Variants in TEX264 observed in about 807,000 individuals in gnomAD.
TEX264 encodes testis-expressed protein 264.
A neutral mutation model predicts 23.4 loss-of-function variants in TEX264; 13 were observed. The ratio of observed to expected loss-of-function variants is 0.56; its 90% CI spans 0.36 to 0.88. The LOEUF (loss-of-function observed/expected upper bound fraction) is 0.88. TEX264 is among the 40% of genes least tolerant of loss of function. The probability of loss-of-function intolerance (pLI) is 0.01; values close to 1 mark genes in which losing one functional copy is unlikely to be tolerated. For synonymous variants in TEX264, 159 were observed against 170.0 expected, an observed-to-expected ratio of 0.94 and a Z score of 0.50; for missense variants, 340 against 406.8, an observed-to-expected ratio of 0.84 and a Z score of 1.41.
At position 51,703,870 on chromosome 3, in the gene TEX264, T is replaced by A; in HGVS notation, c.796T>A (p.Ser266Thr). ...DTRSEHSYSE[S>T]GASGSSFEEL... The stretch of plus-strand genomic sequence containing the variant: ...CCGCAGCGAGCACAGCTACAGCGAG[T>A]CAGGTGCCAGCGGCTCCTCTTTTGA... The change falls in exon 5 of 5, where the codon TCA (serine) becomes ACA (threonine). Residue 266 changes from serine to threonine, a missense_variant. Ser to Thr is a moderately conservative substitution (Grantham distance 58, BLOSUM62 1). Coordinates refer to ENST00000341333, the MANE Select transcript of TEX264 (RefSeq NM_015926.6). The surrounding 1 kb of genome is among the most constrained non-coding windows in gnomAD (Gnocchi z 4.8). The A allele has an allele frequency of 6.2e-7, 1 of 1,612,136 alleles. No homozygotes were observed. Among genetic ancestry groups the A allele is most frequent in the Non-Finnish European group, 8.5e-7 (1 of 1,178,784 alleles).
intron 2 of TEX264, chr3:51,682,647 A>C (rs1027273494): frequency 6.6e-6 from 1 of 152,168 alleles, no homozygotes; most frequent in Non-Finnish European, 1.5e-5. Flanking sequence ...CAGTTCTGTA[A>C]GTAGATATTG....
Position 51,703,866 on chromosome 3 carries a change from C to G in TEX264, c.792C>G (p.Ser264Arg), listed in dbSNP as rs555183400. The G allele has an allele frequency of 6.2e-7, 1 of 1,612,476 alleles. No homozygotes were observed. The highest frequency in any genetic ancestry group is 1.7e-5 in the Admixed American group (1 of 60,004). The part of the protein sequence containing the change: ...DGDTRSEHSY[S>R]ESGASGSSFE... The stretch of plus-strand genomic sequence containing the variant: ...ACACCCGCAGCGAGCACAGCTACAG[C>G]GAGTCAGGTGCCAGCGGCTCCTCTT... The change falls in exon 5 of 5, where the codon AGC becomes AGG. Residue 264 changes from serine to arginine, a missense_variant. Physicochemically the swap from Ser to Arg is moderately radical, Grantham distance 110. Transcript: ENST00000341333. The surrounding 1 kb of genome is among the most constrained non-coding windows in gnomAD (Gnocchi z 4.8).
intron 2 of TEX264, among the ~76,000 whole-genome samples, chr3:51,676,660 A>G (rs1702240177): frequency 6.6e-6 from 1 of 152,194 alleles, no homozygotes; most frequent in South Asian, 2.1e-4. Flanking sequence ...CTGCAGAGTA[A>G]TGATAAAATA....
rs942667651 is a variant in TEX264, at chr3:51,703,608, C to A, written c.650-116C>A. On this transcript the variant is annotated intron_variant, in intron 4 of 4. Transcript: ENST00000341333. This position sits in a 1 kb window ranked among gnomAD's most constrained non-coding sequence, Gnocchi z 4.8. Reference sequence around the variant, plus strand: ...AGGGCAGAGGGCAGCTGGAGCAAGCCCCCTGAGCCCGGGAGGCTGCATTAT... The same window carrying A: ...AGGGCAGAGGGCAGCTGGAGCAAGCACCCTGAGCCCGGGAGGCTGCATTAT... The A allele has an allele frequency of 1.8e-6, 2 of 1,098,444 alleles. No individual in the cohort carries two copies. Among genetic ancestry groups the A allele is most frequent in the South Asian group, 1.8e-5 (1 of 54,190 alleles). 68.0% of individuals were successfully genotyped at this position (1,098,444 alleles called of 1,614,324 possible).
chr3:51,678,175 G>A (rs947426374), intron 2 of TEX264, among the ~76,000 whole-genome samples: 4 of 152,196 alleles, frequency 2.6e-5, no homozygotes, highest in African/African-American at 7.2e-5. Flanking sequence ...CTGCTTCTGC[G>A]GTGGGTGCTG....
chr3:51,695,728 G>A (rs989337554), intron 3 of TEX264, among the ~76,000 whole-genome samples: 5 of 152,192 alleles, frequency 3.3e-5, no homozygotes, highest in African/African-American at 9.7e-5. Flanking sequence ...AGTGTGTGGT[G>A]TGTCCCCAAG....
intron 4 of TEX264, among the ~76,000 whole-genome samples, chr3:51,700,462 C>A (rs1273656106): frequency 6.6e-6 from 1 of 152,142 alleles, no homozygotes; most frequent in African/African-American, 2.4e-5. Flanking sequence ...TCCCTAGGGG[C>A]CTGTGTCCAA....
chr3:51,693,873 A>G (rs1345664019), intron 3 of TEX264, among the ~76,000 whole-genome samples: 1 of 152,122 alleles, frequency 6.6e-6, no homozygotes, highest in Admixed American at 6.5e-5. Context: ...TAGTCCCTCC[A>G]TTGATTCTTT....
chr3:51,678,188 G>T (rs564539800), intron 2 of TEX264, among the ~76,000 whole-genome samples: 141 of 152,290 alleles, frequency 9.3e-4, no homozygotes, highest in African/African-American at 3.2e-3. Context: ...GGGTGCTGGG[G>T]GCTTGGAAAG....
At chr3:51,674,167 C>T (rs1351592046) in intron 1 of TEX264, 104 bp from the exon 2 acceptor site, 1 of 1,265,046 alleles carries the variant, frequency 7.9e-7, no homozygotes, top group African/African-American at 1.5e-5. Flanking sequence ...GGTCAGAGCA[C>T]CCAAGGCAGG....
chr3:51,672,083 G>T (rs1437814571), intron 1 of TEX264: 1 of 152,424 alleles, frequency 6.6e-6, no homozygotes, highest in Admixed American at 6.5e-5. Context: ...TGTAAAGCTA[G>T]GTTTGGCTTC....
In TEX264 at chr3:51,674,555, C is replaced by T. The variant is rs747579083; in HGVS notation, c.251C>T (p.Pro84Leu). Residue 84 changes from proline (P) to leucine (L), a missense_variant, in exon 2 of 5, where the codon CCC becomes CTC. Coordinates refer to ENST00000341333, the MANE Select transcript of TEX264 (RefSeq NM_015926.6). ...TCCATCGCTGTCTACTATGACAACC[C>T]CCACATGGTAAGGAGTCTCCATGGG... ...LRSIAVYYDN[P>L]HMVPPDKCRC... The T allele has an allele frequency of 6.2e-7, 1 of 1,614,062 alleles. No individual in the cohort carries two copies. Among genetic ancestry groups the T allele is most frequent in the Non-Finnish European group, 8.5e-7 (1 of 1,180,010 alleles).
intron 3 of TEX264, among the ~76,000 whole-genome samples, chr3:51,698,533 G>T (rs1703158968): frequency 6.6e-6 from 1 of 152,182 alleles, no homozygotes; most frequent in African/African-American, 2.4e-5. Flanking sequence ...CCTCAGGGTG[G>T]CTCTGGCATG....
chr3:51,695,007 C>G (rs558340481), intron 3 of TEX264, among the ~76,000 whole-genome samples: 1 of 152,364 alleles, frequency 6.6e-6, no homozygotes, highest in African/African-American at 2.4e-5. Flanking sequence ...TGAAGACCAG[C>G]TGCCTGAGGG....
At chr3:51,695,588 G>C (rs1008529334) in intron 3 of TEX264, among the ~76,000 whole-genome samples, 1 of 152,250 alleles carries the variant, frequency 6.6e-6, no homozygotes. Context: ...TGCTGGGGAG[G>C]CACTGTGGGT....
chr3:51,701,472 G>A (rs1181996961), intron 4 of TEX264, among the ~76,000 whole-genome samples: 1 of 151,902 alleles, frequency 6.6e-6, no homozygotes, highest in South Asian at 2.1e-4. Flanking sequence ...CAAGAGGCGT[G>A]TACCACCATG....
chr3:51,701,719 C>T (rs1475424175), intron 4 of TEX264, among the ~76,000 whole-genome samples: 1 of 152,000 alleles, frequency 6.6e-6, no homozygotes, highest in East Asian at 1.9e-4. Context: ...GCAACCTCCA[C>T]CTCGTGGGTT....
Position 51,684,469 on chromosome 3 carries a change from A to G in TEX264, c.315A>G (p.Glu105=). ...AVGSILSEGE[E]SPSPELIDLY... ...GCAGCATCCTGAGTGAAGGTGAGGA[A>G]TCGCCCTCCCCTGAGCTCATCGACC... Residue 105 remains glutamate (E), a synonymous_variant, in exon 3 of 5, where the codon GAA becomes GAG. Transcript: ENST00000341333. 3 of 1,614,112 alleles carry G rather than the reference A, an allele frequency of 1.9e-6. No homozygotes were observed. The South Asian group carries it at 3.3e-5, about 18-fold the overall frequency.
In TEX264 at chr3:51,686,574, A is replaced by T. The variant is rs1408676317; in HGVS notation, c.480+1940A>T. ...GCTGTCACGGTGATAAGGCAAGGGC[A>T]CAGGGAGAATAGAGGGGAGTTTCCT... On this transcript the variant is annotated intron_variant, in intron 3 of 4. Coordinates refer to ENST00000341333, the MANE Select transcript of TEX264 (RefSeq NM_015926.6). This position sits in a 1 kb window ranked among gnomAD's most constrained non-coding sequence, Gnocchi z 4.1. Among the ~76,000 whole-genome samples the T allele has an allele frequency of 1.3e-5, 2 of 152,130 alleles. No individual in the cohort carries two copies. Among genetic ancestry groups the T allele is most frequent in the Non-Finnish European group, 2.9e-5 (2 of 68,016 alleles).
Sources: gnomAD v4.1 joint callset for allele counts (sites outside exome capture counted in the v4.1 genomes callset) on GRCh38, gnomAD v4.1.1 for gene constraint, Gnocchi (gnomAD v3.1) non-coding constraint, MANE v1.5 for transcripts, NCBI Gene and HGNC (gene_info 2026-07-23, HGNC 2026-07-21) for gene names.